CD300A: variants seen among roughly 807,000 people sequenced by gnomAD.
CD300A encodes CMRF35-like molecule 8.
A neutral mutation model predicts 33.6 loss-of-function variants in CD300A; 22 were observed. The observed-to-expected ratio is 0.66, with a 90% CI of 0.47 to 0.94. The LOEUF (loss-of-function observed/expected upper bound fraction) is 0.94, where lower values mean the gene tolerates loss of function less well. Ranked by LOEUF, CD300A falls within the 40% of genes least tolerant of loss-of-function variation. CD300A has a pLI of 0.00. For missense variants in CD300A, 326 were observed against 360.5 expected (o/e 0.90, Z 0.77); for synonymous variants, 136 against 148.1 (o/e 0.92, Z 0.59).
rs545765880 is a variant in CD300A at position 74,477,230 on chromosome 17, G to A, written c.534-206G>A. On this transcript the variant is annotated intron_variant, in intron 3 of 6. Transcript: ENST00000360141. ...AAAAATTTAAAAATTAGCCGTGGTG[G>A]CCTGTGCCTGTAGCTGGAGGCTGAG... Among the ~76,000 whole-genome samples, 7 of 152,108 alleles carry A rather than the reference G, an allele frequency of 4.6e-5. No homozygotes were observed. The South Asian group carries it at 8.3e-4, about 18-fold the overall frequency.
intron 5 of CD300A, 145 bp from the exon 6 acceptor site, chr17:74,481,581 C>A: frequency 1.5e-6 from 1 of 683,778 alleles, no homozygotes; most frequent in South Asian, 1.8e-5. Flanking sequence ...CATTAAACTA[C>A]TGGACGGAGT....
intron 1 of CD300A, among the ~76,000 whole-genome samples, chr17:74,470,395 GAA>G (rs1252043790): frequency 4.6e-5 from 7 of 152,118 alleles, no homozygotes; most frequent in Non-Finnish European, 1.0e-4. Flanking sequence ...AGGAGAGAGA[GAA>G]AGAGAGAGAG....
In CD300A at chr17:74,473,261, C is replaced by A. The variant is rs76176705; in HGVS notation, c.41-275C>A. ...AGGTGAAGGAGTCAGGGGCTGAGGGCTGGGGGTGCTGATGTGGAGTCGGGG... is the reference window on the plus strand; with the variant it reads ...AGGTGAAGGAGTCAGGGGCTGAGGGATGGGGGTGCTGATGTGGAGTCGGGG... On this transcript the variant is annotated intron_variant, in intron 1 of 6. Transcript: ENST00000360141. Among the ~76,000 whole-genome samples, 550 of 152,164 alleles carry A rather than the reference C, an allele frequency of 3.6e-3. 31 individuals carry two copies. The East Asian group carries it at 0.083, about 23-fold the overall frequency.
At chr17:74,467,229 C>A (rs1040077519) in intron 1 of CD300A, among the ~76,000 whole-genome samples, 9 of 22,790 alleles carry the variant, frequency 3.9e-4, no homozygotes, top group Non-Finnish European at 7.5e-4. Flanking sequence ...GGGGGTGGGG[C>A]GGTGAGGGAG....
At chr17:74,469,362 TA>T (rs879791899) in intron 1 of CD300A, among the ~76,000 whole-genome samples, 696 of 143,308 alleles carry the variant, frequency 4.9e-3, no homozygotes, top group Middle Eastern at 7.1e-3. Context: ...CCCCGTCTCT[TA>T]AAAAAAAAAA....
Position 74,480,332 on chromosome 17 carries a change from G to A in CD300A, c.629-957G>A, listed in dbSNP as rs1398877638. Among the ~76,000 whole-genome samples the A allele has an allele frequency of 6.6e-6, 1 of 152,134 alleles. No homozygotes were observed. Among genetic ancestry groups the A allele is most frequent in the African/African-American group, 2.4e-5 (1 of 41,440 alleles). ...GTGGGCTCTGGGGTTGCCTGGCTGT[G>A]GACCTAACCAAGGGCATCAGCAGCG... On this transcript the variant is annotated intron_variant, in intron 4 of 6. Transcript: ENST00000360141. The surrounding 1 kb of genome is among the most constrained non-coding windows in gnomAD (Gnocchi z 4.2).
chr17:74,482,372 C>G (rs1405667443), intron 6 of CD300A, among the ~76,000 whole-genome samples: 2 of 151,846 alleles, frequency 1.3e-5, no homozygotes, highest in Admixed American at 1.3e-4. Flanking sequence ...GCTTAAAGTG[C>G]CCCCAGGCCT....
At position 74,474,649 on chromosome 17, in the gene CD300A, G is replaced by A; in HGVS notation, c.497G>A (p.Ser166Asn). 1 of 1,614,180 alleles carries A rather than the reference G, an allele frequency of 6.2e-7. No individual in the cohort carries two copies. The highest frequency in any genetic ancestry group is 1.3e-5 in the African/African-American group (1 of 75,056). ...GCAGTGGGTGCCACCCACAGTGCCA[G>A]CATCCAGGAGGAAACTGAGGAGGTG... ...LFAVGATHSA[S>N]IQEETEEVVN... The change falls in exon 3 of 7, where the codon AGC becomes AAC. Residue 166 changes from serine (S) to asparagine (N), a missense_variant. Physicochemically the swap from Ser to Asn is conservative, Grantham distance 46. Transcript: ENST00000360141.
At chr17:74,483,908 C>A in intron 6 of CD300A, 93 bp from the exon 7 acceptor site, 1 of 1,448,184 alleles carries the variant, frequency 6.9e-7, no homozygotes, top group Non-Finnish European at 9.5e-7. Flanking sequence ...CTCCCCAAAG[C>A]CCCTCAGGTG....
intron 4 of CD300A, among the ~76,000 whole-genome samples, chr17:74,477,787 A>G (rs1906573806): frequency 6.6e-6 from 1 of 151,994 alleles, no homozygotes; most frequent in South Asian, 2.1e-4. Context: ...CCATGAAGCA[A>G]TGACCCTCTT....
chr17:74,483,006 G>C (rs550367422), intron 6 of CD300A, among the ~76,000 whole-genome samples: 4 of 152,114 alleles, frequency 2.6e-5, no homozygotes, highest in Admixed American at 2.6e-4. Context: ...CACCACACCC[G>C]GCCAGCTCCT....
intron 2 of CD300A, 134 bp downstream of exon 2, chr17:74,474,008 A>C: frequency 1.0e-6 from 1 of 992,608 alleles, no homozygotes; most frequent in Non-Finnish European, 1.5e-6. Context: ...GGCCAGGGGA[A>C]CACAGTCAGG....
intron 3 of CD300A, 87 bp downstream of exon 3, chr17:74,474,772 T>G: frequency 7.1e-7 from 1 of 1,418,276 alleles, no homozygotes; most frequent in Non-Finnish European, 9.7e-7. Context: ...GTGGGCCAGC[T>G]GGAGGTGTGC....
rs557069454 is a variant in CD300A at position 74,470,459 on chromosome 17, G to A, written c.41-3077G>A. On this transcript the variant is annotated intron_variant, in intron 1 of 6. Coordinates refer to ENST00000360141, the MANE Select transcript of CD300A (RefSeq NM_007261.4). ...AGAAACTAAATCCGAAGGGAAGTCA[G>A]ACACTGGAGGTAGGACGAGAGACAG... 3.3e-5 allele frequency among the ~76,000 whole-genome samples: 5 copies of A among 152,228 alleles called. No homozygotes were observed. In the South Asian group the frequency reaches 1.0e-3, roughly 32 times the overall value.
chr17:74,479,539 G>A (rs1053421105), intron 4 of CD300A, among the ~76,000 whole-genome samples: 6 of 152,040 alleles, frequency 3.9e-5, no homozygotes, highest in Non-Finnish European at 7.4e-5. Flanking sequence ...ATGCATCTGC[G>A]ATGTCTTAAC....
chr17:74,473,832 T>G lies in CD300A; in HGVS notation c.337T>G (p.Phe113Val). The G allele has an allele frequency of 6.2e-7, 1 of 1,613,404 alleles. No homozygotes were observed. Residue 113 changes from phenylalanine to valine, a missense_variant, in exon 2 of 7, where the codon TTT (phenylalanine) becomes GTT (valine). Transcript: ENST00000360141. ...GGTGGATACACCATGGCTCCGAGAC[T>G]TTCATGATCCCGTTGTCGAGGTTGA... Reference protein sequence around the residue: ...CGVDTPWLRDFHDPVVEVEVS... With the variant: ...CGVDTPWLRDVHDPVVEVEVS...
At position 74,480,665 on chromosome 17, in the gene CD300A, CT is replaced by C. The variant is rs757031864; in HGVS notation, c.629-623del. Reference sequence around the variant, plus strand: ...GCTTTTCAGTGGCATCCTTCCTCCCCTGGAAACATTTGTGTGAGATCCCGTG... The same window carrying C: ...GCTTTTCAGTGGCATCCTTCCTCCCCGGAAACATTTGTGTGAGATCCCGTG... On this transcript the variant is annotated intron_variant, in intron 4 of 6. Coordinates refer to ENST00000360141, the MANE Select transcript of CD300A (RefSeq NM_007261.4). The surrounding 1 kb of genome is among the most constrained non-coding windows in gnomAD (Gnocchi z 4.2). Among the ~76,000 whole-genome samples, 3 of 152,230 alleles carry C rather than the reference CT, an allele frequency of 2.0e-5. No individual in the cohort carries two copies. The highest frequency in any genetic ancestry group is 7.2e-5 in the African/African-American group (3 of 41,468).
intron 1 of CD300A, among the ~76,000 whole-genome samples, chr17:74,467,626 A>G (rs1022582130): frequency 1.3e-5 from 2 of 152,118 alleles, no homozygotes; most frequent in South Asian, 4.1e-4. Flanking sequence ...GTCCTAGGGT[A>G]TTGTACGTCT....
At chr17:74,483,067 G>T (rs895392035) in intron 6 of CD300A, among the ~76,000 whole-genome samples, 2 of 152,154 alleles carry the variant, frequency 1.3e-5, no homozygotes, top group African/African-American at 4.8e-5. Context: ...TTCCTTGCAT[G>T]ACATGATCTT....
Sources: allele counts gnomAD v4.1 joint callset (sites outside exome capture counted in the v4.1 genomes callset), GRCh38; gene constraint gnomAD v4.1.1; non-coding constraint Gnocchi (gnomAD v3.1); transcripts MANE v1.5; gene names NCBI Gene and HGNC (gene_info 2026-07-23, HGNC 2026-07-21).